Variants in SLC44A4 observed in about 807,000 individuals in gnomAD.
SLC44A4 encodes the protein solute carrier family 44 member 4.
A neutral mutation model predicts 97.0 loss-of-function variants in SLC44A4; 74 were observed. The observed-to-expected ratio is 0.76, with a 90% CI of 0.63 to 0.93. SLC44A4 has a LOEUF of 0.93. SLC44A4 is among the 40% of genes least tolerant of loss of function. The pLI is 0.00. For missense variants in SLC44A4, 799 were observed against 902.9 expected, an observed-to-expected ratio of 0.88 and a Z score of 1.48; for synonymous variants, 325 against 363.8, an observed-to-expected ratio of 0.89 and a Z score of 1.21.
Position 31,865,956 on chromosome 6 carries a change from G to T in SLC44A4, c.1404C>A (p.Ala468=). 2 of 1,614,234 alleles carry T rather than the reference G, an allele frequency of 1.2e-6. No homozygotes were observed. The highest frequency in any genetic ancestry group is 2.2e-5 in the South Asian group (2 of 91,088). ...LALGQCVLAG[A]FASFYWAFHK... ...GGAAGGCCCAGTAGAAGGAGGCAAAGGCTCCAGCGAGGACGCATTGGCCCA... is the reference window on the plus strand; with the variant it reads ...GGAAGGCCCAGTAGAAGGAGGCAAATGCTCCAGCGAGGACGCATTGGCCCA... Residue 468 remains alanine, a synonymous_variant, in exon 14 of 21, where the codon GCC becomes GCA. Coordinates refer to ENST00000229729, the MANE Select transcript of SLC44A4 (RefSeq NM_025257.3). The surrounding 1 kb of genome is among the most constrained non-coding windows in gnomAD (Gnocchi z 5.2).
At position 31,864,642 on chromosome 6, in the gene SLC44A4, T is replaced by C. The variant is rs762312426; in HGVS notation, c.2011+10A>G. The C allele has an allele frequency of 8.1e-6, 13 of 1,607,620 alleles. No individual in the cohort carries two copies. In the Admixed American group the frequency reaches 2.0e-4, roughly 25 times the overall value. On this transcript the variant is annotated intron_variant, in intron 20 of 20. Transcript: ENST00000229729. The stretch of plus-strand genomic sequence containing the variant: ...AAGGTTGGGGACAGGTGGCTGGGGG[T>C]GTCACTCACGGAAGCAGAGGAAGAG...
intron 10 of SLC44A4, 53 bp from the exon 11 acceptor site, chr6:31,870,755 C>T (rs1763117363): frequency 6.2e-7 from 1 of 1,611,778 alleles, no homozygotes; most frequent in African/African-American, 1.3e-5. Flanking sequence ...TGGGGCCGGG[C>T]ATGGCCCAGG....
chr6:31,878,830 G>T lies in SLC44A4; in HGVS notation c.40+111C>A. On this transcript the variant is annotated intron_variant, in intron 1 of 20. Coordinates refer to ENST00000229729, the MANE Select transcript of SLC44A4 (RefSeq NM_025257.3). This position sits in a 1 kb window ranked among gnomAD's most constrained non-coding sequence, Gnocchi z 4.0. ...CCCGGTTCCCGGGCCCTCCCCTCAG[G>T]GACACAGTACTCTCCTTAGTTCCTC... is the stretch of plus-strand genomic sequence containing the variant. 1 of 1,314,232 alleles carries T rather than the reference G, an allele frequency of 7.6e-7. No homozygotes were observed. Among genetic ancestry groups the T allele is most frequent in the Non-Finnish European group, 1.1e-6 (1 of 912,800 alleles). 81.4% of individuals were successfully genotyped at this position (1,314,232 alleles called of 1,614,324 possible).
rs267600963 is a variant in SLC44A4, at chr6:31,866,110, G to T, written c.1250C>A (p.Ser417Tyr). The change falls in exon 14 of 21, where the codon TCC becomes TAC. Residue 417 changes from serine (S) to tyrosine (Y), a missense_variant. By Grantham distance (144) the Ser-to-Tyr change is moderately radical. This residue lies in a region of SLC44A4 where 379 missense variants were observed against 438.3 expected (regional missense o/e 0.86). Coordinates refer to ENST00000229729, the MANE Select transcript of SLC44A4 (RefSeq NM_025257.3). ...GACGCACATCAGCCCTGGGCACGAG[G>T]AGTTCACAAGGTGGGCCTGGGAGGG... is the stretch of plus-strand genomic sequence containing the variant. ...SCNPTAHLVNSSCPGLMCVFQ... is the reference protein window; with the variant it reads ...SCNPTAHLVNYSCPGLMCVFQ... 5 of 1,614,004 alleles carry T rather than the reference G, an allele frequency of 3.1e-6. No individual in the cohort carries two copies. Among genetic ancestry groups the T allele is most frequent in the Non-Finnish European group, 4.2e-6 (5 of 1,179,980 alleles).
At position 31,863,604 on chromosome 6, in the gene SLC44A4, G is replaced by A; in HGVS notation, c.*23C>T. On this transcript the variant is annotated 3_prime_UTR_variant, in exon 21 of 21. Transcript: ENST00000229729. The stretch of plus-strand genomic sequence containing the variant: ...GGCTGGACGGTGGGGGTGGGGTGCA[G>A]TCCTGGATCAGGGCCGGAGCTGTCA... The A allele has an allele frequency of 6.2e-7, 1 of 1,606,118 alleles. No individual in the cohort carries two copies. The highest frequency in any genetic ancestry group is 8.5e-7 in the Non-Finnish European group (1 of 1,177,004).
At position 31,876,110 on chromosome 6, in the gene SLC44A4, A is replaced by C. The variant is rs1011465800; in HGVS notation, c.109T>G (p.Cys37Gly). 3.7e-6 allele frequency: 6 copies of C among 1,613,986 alleles called. No homozygotes were observed. Among genetic ancestry groups the C allele is most frequent in the Non-Finnish European group, 5.1e-6 (6 of 1,179,944 alleles). ...ATGAAGAGCAGGAAGAGGACGCAGC[A>C]GATGACATCTGTGCAGCTTCTGAGA... ...IKNRSCTDVICCVLFLLFILG... is the reference protein window; with the variant it reads ...IKNRSCTDVIGCVLFLLFILG... The change falls in exon 3 of 21, where the codon TGC becomes GGC. Residue 37 changes from cysteine (C) to glycine (G), a missense_variant. Physicochemically the swap from Cys to Gly is radical, Grantham distance 159 (BLOSUM62 -3). Around this residue, in one of 3 missense-constraint regions of SLC44A4, gnomAD observed 409 missense variants for 434.1 expected, o/e 0.94. Transcript: ENST00000229729. This position sits in a 1 kb window ranked among gnomAD's most constrained non-coding sequence, Gnocchi z 4.8.
chr6:31,876,060 A>G lies in SLC44A4; in HGVS notation c.159T>C (p.Ile53=). 6.2e-7 allele frequency: 1 copy of G among 1,614,010 alleles called. No homozygotes were observed. Among genetic ancestry groups the G allele is most frequent in the East Asian group, 2.2e-5 (1 of 44,872 alleles). ...LFILGYIVVG[I]VAWLYGDPRQ... Reference sequence around the variant, plus strand: ...TCTGAGCAGCTGGAAACTCACCCACAATCCCCACCACGATGTAACCTAGAA... The same window carrying G: ...TCTGAGCAGCTGGAAACTCACCCACGATCCCCACCACGATGTAACCTAGAA... The change falls in exon 3 of 21, where the codon ATT becomes ATC. Residue 53 remains isoleucine, a synonymous_variant. Coordinates refer to ENST00000229729, the MANE Select transcript of SLC44A4 (RefSeq NM_025257.3). The surrounding 1 kb of genome is among the most constrained non-coding windows in gnomAD (Gnocchi z 4.8).
At chr6:31,873,768 C>T (rs1363275999) in intron 7 of SLC44A4, among the ~76,000 whole-genome samples, 1 of 151,578 alleles carries the variant, frequency 6.6e-6, no homozygotes, top group African/African-American at 2.4e-5. Flanking sequence ...TTTCCCTGTG[C>T]ATATATAAAA....
In SLC44A4 at chr6:31,863,532, T is replaced by G; in HGVS notation, c.*95A>C. ...GAGCCACGGCGCCTGGCCTAAAACCTTTTTTTACCACAAAATGGAGACCTG... is the reference window on the plus strand; with the variant it reads ...GAGCCACGGCGCCTGGCCTAAAACCGTTTTTTACCACAAAATGGAGACCTG... On this transcript the variant is annotated 3_prime_UTR_variant, in exon 21 of 21. Transcript: ENST00000229729. 5 of 1,486,284 alleles carry G rather than the reference T, an allele frequency of 3.4e-6. No homozygotes were observed. Among genetic ancestry groups the G allele is most frequent in the Non-Finnish European group, 3.6e-6 (4 of 1,117,866 alleles). The allele number at this position is 1,486,284 out of a possible 1,614,324, so 92.1% of individuals were successfully genotyped here. A position where few individuals can be genotyped will look rare whatever the true frequency, so the allele number is the denominator to read the frequency against.
chr6:31,875,058 G>C (rs1408453744), intron 4 of SLC44A4, 30 bp from the exon 5 acceptor site: 2 of 1,572,886 alleles, frequency 1.3e-6, no homozygotes, highest in African/African-American at 2.7e-5. Context: ...ATGTGCATCA[G>C]GGCCTGGTCA....
In SLC44A4 at chr6:31,874,519, G is replaced by A. The variant is rs200105414; in HGVS notation, c.470C>T (p.Thr157Met). Residue 157 changes from threonine (T) to methionine (M), a missense_variant and splice_region_variant, in exon 7 of 21, where the codon ACG becomes ATG. This residue lies in a region of SLC44A4 where 409 missense variants were observed against 434.1 expected (regional missense o/e 0.94). Transcript: ENST00000229729. The surrounding 1 kb of genome is among the most constrained non-coding windows in gnomAD (Gnocchi z 4.8). Reference sequence around the variant, plus strand: ...TTCCTGTTGCAGGCTTGTGATCACCGTCTGTGGCAGGAGTGAAAGGACAGA... The same window carrying A: ...TTCCTGTTGCAGGCTTGTGATCACCATCTGTGGCAGGAGTGAAAGGACAGA... ...FCLPGVPWNM[T>M]VITSLQQELC... is the part of the protein sequence containing the mutation. 36 of 1,612,580 alleles carry A rather than the reference G, an allele frequency of 2.2e-5. No individual in the cohort carries two copies. The highest frequency in any genetic ancestry group is 2.7e-5 in the African/African-American group (2 of 74,900).
chr6:31,869,555 T>C lies in SLC44A4; in HGVS notation c.1120A>G (p.Met374Val). 1 of 1,603,042 alleles carries C rather than the reference T, an allele frequency of 6.2e-7. No homozygotes were observed. Among genetic ancestry groups the C allele is most frequent in the Non-Finnish European group, 8.5e-7 (1 of 1,175,566 alleles). ...GTGGGCAGAGGATACAGAGCAGTCA[T>C]GGCCCAGTAGGCAATGCAGATGAGG... is the stretch of plus-strand genomic sequence containing the variant. Reference protein sequence around the residue: ...LLLICIAYWAMTALYLATSGQ... With the variant: ...LLLICIAYWAVTALYLATSGQ... The change falls in exon 12 of 21, where the codon ATG (methionine) becomes GTG (valine). Residue 374 changes from methionine to valine, a missense_variant. Transcript: ENST00000229729.
At chr6:31,870,496 C>T (rs767876216) in intron 11 of SLC44A4, 107 bp downstream of exon 11, 169 of 846,592 alleles carry the variant, frequency 2.0e-4, no homozygotes, top group Non-Finnish European at 3.0e-4. Flanking sequence ...ATATTCCTCC[C>T]TTCTCCTCTG....
chr6:31,863,897 G>T, intron 20 of SLC44A4, 149 bp from the exon 21 acceptor site: 1 of 1,029,734 alleles, frequency 9.7e-7, no homozygotes, highest in Non-Finnish European at 1.4e-6. Flanking sequence ...CTCCTGTGAA[G>T]TGGGGTCGGG....
intron 13 of SLC44A4, among the ~76,000 whole-genome samples, chr6:31,867,256 C>CT (rs1343065057): frequency 2.0e-3 from 279 of 140,478 alleles, no homozygotes; most frequent in Middle Eastern, 7.5e-3. Flanking sequence ...ATCAAAAAAT[C>CT]TTTTTTTTTT....
chr6:31,878,909 C>G lies in SLC44A4; in HGVS notation c.40+32G>C. On this transcript the variant is annotated intron_variant, in intron 1 of 20. Transcript: ENST00000229729. The surrounding 1 kb of genome is among the most constrained non-coding windows in gnomAD (Gnocchi z 4.0). ...CCAAAGTACCCGTCCTCCCCTCCCTCCACAGGGTCCCGGGCCTCGCCCCAG... is the reference window on the plus strand; with the variant it reads ...CCAAAGTACCCGTCCTCCCCTCCCTGCACAGGGTCCCGGGCCTCGCCCCAG... The G allele has an allele frequency of 6.2e-7, 1 of 1,613,000 alleles. No individual in the cohort carries two copies. The highest frequency in any genetic ancestry group is 8.5e-7 in the Non-Finnish European group (1 of 1,179,044).
chr6:31,863,563 C>T lies in SLC44A4; in HGVS notation c.*64G>A, dbSNP rs1334254077. Reference sequence around the variant, plus strand: ...TACCACAAAATGGAGACCTGTAAGGCGAAGTGAGGTTGGATGGCTGGACGG... The same window carrying T: ...TACCACAAAATGGAGACCTGTAAGGTGAAGTGAGGTTGGATGGCTGGACGG... On this transcript the variant is annotated 3_prime_UTR_variant, in exon 21 of 21. Coordinates refer to ENST00000229729, the MANE Select transcript of SLC44A4 (RefSeq NM_025257.3). 2 of 1,556,088 alleles carry T rather than the reference C, an allele frequency of 1.3e-6. No individual in the cohort carries two copies. The highest frequency in any genetic ancestry group is 1.4e-5 in the African/African-American group (1 of 71,282).
intron 20 of SLC44A4, 154 bp downstream of exon 20, chr6:31,864,498 G>A (rs1762726216): frequency 1.4e-6 from 1 of 691,382 alleles, no homozygotes. Context: ...TTCCCTAAAC[G>A]CCTGGCCTCA....
In SLC44A4 at chr6:31,865,001, G is replaced by T. The variant is rs1323892446; in HGVS notation, c.1831+9C>A. 1 of 1,613,956 alleles carries T rather than the reference G, an allele frequency of 6.2e-7. No individual in the cohort carries two copies. The highest frequency in any genetic ancestry group is 2.2e-5 in the East Asian group (1 of 44,882). On this transcript the variant is annotated intron_variant, in intron 18 of 20. Coordinates refer to ENST00000229729, the MANE Select transcript of SLC44A4 (RefSeq NM_025257.3). This position sits in a 1 kb window ranked among gnomAD's most constrained non-coding sequence, Gnocchi z 5.2. Reference sequence around the variant, plus strand: ...CTACCCTCTGTCCCCACAGCTTCTGGTCCCTTACCCACGCCTCCGACCACC... The same window carrying T: ...CTACCCTCTGTCCCCACAGCTTCTGTTCCCTTACCCACGCCTCCGACCACC...
Sources: gnomAD v4.1 joint callset for allele counts (sites outside exome capture counted in the v4.1 genomes callset) on GRCh38, gnomAD v4.1.1 for gene constraint, gnomAD v4.1.1 regional missense constraint, Gnocchi (gnomAD v3.1) non-coding constraint, MANE v1.5 for transcripts, NCBI Gene and HGNC (gene_info 2026-07-23, HGNC 2026-07-21) for gene names.